REV1: variants seen among roughly 807,000 people sequenced by gnomAD.
The protein encoded by REV1 is REV1 DNA directed polymerase.
Under a neutral mutation model 137.4 loss-of-function variants are expected in REV1, and 42 were observed. The observed-to-expected ratio is 0.31, with a 90% CI of 0.24 to 0.40. The LOEUF (loss-of-function observed/expected upper bound fraction) is 0.40, where lower values mean the gene tolerates loss of function less well. Ranked by LOEUF, REV1 falls within the 10% of genes least tolerant of loss-of-function variation. The pLI, the probability that REV1 is intolerant of heterozygous loss-of-function variation, is 1.00. For missense variants in REV1, 1,282 were observed against 1,490.1 expected (o/e 0.86, Z 2.30); for synonymous variants, 524 against 519.2 (o/e 1.01, Z -0.12).
At chr2:99,445,322 C>T (rs1230186936) in intron 4 of REV1, among the ~76,000 whole-genome samples, 1 of 152,140 alleles carries the variant, frequency 6.6e-6, no homozygotes, top group Non-Finnish European at 1.5e-5. Flanking sequence ...AAAAGATAAA[C>T]TGAAAGTCCT....
chr2:99,473,664 T>C (rs1181370190), intron 1 of REV1, among the ~76,000 whole-genome samples: 2 of 152,246 alleles, frequency 1.3e-5, no homozygotes, highest in African/African-American at 4.8e-5. Context: ...TTCAGCATAC[T>C]GAAACATTTT....
chr2:99,475,164 G>C (rs1685833088), intron 1 of REV1, among the ~76,000 whole-genome samples: 1 of 152,134 alleles, frequency 6.6e-6, no homozygotes, highest in South Asian at 2.1e-4. Flanking sequence ...AGAGTACAAG[G>C]AACAAAGGAG....
In REV1 at chr2:99,482,680, G is replaced by A. The variant is rs544419709; in HGVS notation, c.-11+7137C>T. Among the ~76,000 whole-genome samples the A allele has an allele frequency of 3.4e-3, 514 of 152,186 alleles. 3 individuals carry two copies. The highest frequency in any genetic ancestry group is 0.011 in the African/African-American group (445 of 41,514). The stretch of plus-strand genomic sequence containing the variant: ...AAAAGCACTCTTTAAGATATAAAAC[G>A]TTGTGTTTGCTTCGGCTGCACATAC... On this transcript the variant is annotated intron_variant, in intron 1 of 22. Transcript: ENST00000258428.
At chr2:99,455,775 T>C (rs1008178315) in intron 3 of REV1, among the ~76,000 whole-genome samples, 6 of 152,188 alleles carry the variant, frequency 3.9e-5, no homozygotes, top group Non-Finnish European at 7.4e-5. Context: ...TTAGAAAACA[T>C]CAATGTAAGC....
At chr2:99,476,018 T>C (rs1207529594) in intron 1 of REV1, among the ~76,000 whole-genome samples, 1 of 152,190 alleles carries the variant, frequency 6.6e-6, no homozygotes, top group Non-Finnish European at 1.5e-5. Flanking sequence ...CAAATGTGTA[T>C]GATTCTACAC....
At chr2:99,443,156 GC>G (rs780651646) in intron 4 of REV1, among the ~76,000 whole-genome samples, 2 of 152,072 alleles carry the variant, frequency 1.3e-5, no homozygotes, top group Non-Finnish European at 2.9e-5. Flanking sequence ...GTTATATATG[GC>G]TACTCTACCT....
At chr2:99,448,785 G>T (rs1036150945) in intron 4 of REV1, among the ~76,000 whole-genome samples, 2 of 152,110 alleles carry the variant, frequency 1.3e-5, no homozygotes, top group Non-Finnish European at 2.9e-5. Flanking sequence ...TGAATAACAC[G>T]CTTGCTCCAC....
chr2:99,433,355 T>A (rs1209176182), intron 8 of REV1, among the ~76,000 whole-genome samples: 1 of 152,188 alleles, frequency 6.6e-6, no homozygotes, highest in African/African-American at 2.4e-5. Flanking sequence ...AAAACCTTTA[T>A]AAAACTTGGA....
At chr2:99,484,692 T>TA (rs145830579) in intron 1 of REV1, among the ~76,000 whole-genome samples, 2,074 of 146,048 alleles carry the variant, frequency 0.014, 43 homozygotes, top group African/African-American at 0.048. Context: ...TAGTTAAATC[T>TA]AAAAAAAAAA....
At chr2:99,450,791 T>C (rs187795027) in intron 3 of REV1, among the ~76,000 whole-genome samples, 3 of 152,348 alleles carry the variant, frequency 2.0e-5, no homozygotes, top group Admixed American at 2.0e-4. Context: ...TACTTTCTTT[T>C]TTCTTCTTAA....
chr2:99,464,085 T>C (rs1275504248), intron 2 of REV1, among the ~76,000 whole-genome samples: 1 of 152,238 alleles, frequency 6.6e-6, no homozygotes, highest in African/African-American at 2.4e-5. Flanking sequence ...CTGGATCTAA[T>C]CAATCTATTT....
intron 1 of REV1, among the ~76,000 whole-genome samples, chr2:99,472,267 C>G (rs1685503645): frequency 6.6e-6 from 1 of 152,130 alleles, no homozygotes; most frequent in Admixed American, 6.5e-5. Flanking sequence ...CTTGCATGAA[C>G]CTTGAAGGCA....
chr2:99,403,579 A>AAG (rs1259545300), intron 19 of REV1, 116 bp downstream of exon 19: 1 of 1,262,464 alleles, frequency 7.9e-7, no homozygotes, highest in African/African-American at 1.5e-5. Context: ...TCCCAATATG[A>AAG]AGAGCTCTTA....
intron 1 of REV1, among the ~76,000 whole-genome samples, chr2:99,477,848 G>A (rs1312395148): frequency 6.6e-6 from 1 of 152,176 alleles, no homozygotes; most frequent in African/African-American, 2.4e-5. Context: ...ACAAACTGAA[G>A]GGGGCTTCCT....
At chr2:99,481,185 A>G (rs1347973676) in intron 1 of REV1, among the ~76,000 whole-genome samples, 1 of 152,212 alleles carries the variant, frequency 6.6e-6, no homozygotes, top group Non-Finnish European at 1.5e-5. Context: ...CTCACTTCAT[A>G]ATTTCTTCTT....
chr2:99,415,389 A>G (rs7571793), intron 12 of REV1, among the ~76,000 whole-genome samples: 1,990 of 152,296 alleles, frequency 0.013, 44 homozygotes, highest in African/African-American at 0.045. Context: ...CTGTCCTTGA[A>G]GGGGAACTAT....
At chr2:99,421,415 T>C in intron 11 of REV1, 84 bp downstream of exon 11, 1 of 1,363,802 alleles carries the variant, frequency 7.3e-7, no homozygotes, top group Non-Finnish European at 1.0e-6. Flanking sequence ...AGGAAGCTAA[T>C]AAAAAGAAAA....
At chr2:99,465,103 T>TCAAGA in intron 1 of REV1, 118 bp from the exon 2 acceptor site, 1 of 902,360 alleles carries the variant, frequency 1.1e-6, no homozygotes, top group Non-Finnish European at 1.7e-6. Context: ...CTGATGAAAG[T>TCAAGA]ATACAATATT....
At chr2:99,427,455 C>A (rs775461112) in intron 9 of REV1, among the ~76,000 whole-genome samples, 169 of 152,280 alleles carry the variant, frequency 1.1e-3, no homozygotes, top group Admixed American at 1.8e-3. Flanking sequence ...CCCACATATA[C>A]ACATTCTACT....
Sources: gnomAD v4.1 joint callset for allele counts (sites outside exome capture counted in the v4.1 genomes callset) on GRCh38, gnomAD v4.1.1 for gene constraint, MANE v1.5 for transcripts, NCBI Gene and HGNC (gene_info 2026-07-23, HGNC 2026-07-21) for gene names.